LANCL3: variants seen among roughly 807,000 people sequenced by gnomAD.
LANCL3 encodes lanC-like protein 3.
A neutral mutation model predicts 26.5 loss-of-function variants in LANCL3; 19 were observed. That is an observed-to-expected ratio of 0.72 (90% CI 0.50 to 1.05). LANCL3 has a LOEUF of 1.05. Ranked by LOEUF, LANCL3 falls within the 50% of genes least tolerant of loss-of-function variation. The pLI is 0.00. For synonymous variants in LANCL3, 160 were observed against 166.6 expected, an observed-to-expected ratio of 0.96 and a Z score of 0.30; for missense variants, 318 against 362.7, an observed-to-expected ratio of 0.88 and a Z score of 1.00.
intron 4 of LANCL3, among the ~76,000 whole-genome samples, chrX:37,672,113 A>G (rs968231311): frequency 2.7e-4 from 30 of 111,830 alleles, no homozygotes; most frequent in African/African-American, 9.7e-4. Flanking sequence ...TTAATATTTT[A>G]ATTTTTTAAA....
intron 1 of LANCL3, among the ~76,000 whole-genome samples, chrX:37,631,965 AG>A (rs1925530512): frequency 9.0e-6 from 1 of 110,876 alleles, no homozygotes; most frequent in Non-Finnish European, 1.9e-5. Context: ...GATGTCTATT[AG>A]GTCTGCTTGG....
At position 37,601,903 on chromosome X, in the gene LANCL3, T is replaced by C. The variant is rs782013286; in HGVS notation, c.573+29460T>C. Among the ~76,000 whole-genome samples, 275 of 111,998 alleles carry C rather than the reference T, an allele frequency of 2.5e-3. 1 individual carries two copies. Among genetic ancestry groups the C allele is most frequent in the Non-Finnish European group, 4.6e-3 (242 of 53,173 alleles). On this transcript the variant is annotated intron_variant, in intron 1 of 4. Transcript: ENST00000378619. ...TTTATCTGGCCTACCTTGAAAAATA[T>C]TGGGGTCCTATTAGCAAGAAAGAAG...
intron 1 of LANCL3, among the ~76,000 whole-genome samples, chrX:37,623,626 T>C (rs781954808): frequency 1.1e-3 from 124 of 112,603 alleles, no homozygotes; most frequent in African/African-American, 4.0e-3. Flanking sequence ...TTATTTATTA[T>C]ATGATTTATT....
At chrX:37,582,282 C>T (rs1472829864) in intron 1 of LANCL3, among the ~76,000 whole-genome samples, 16 of 111,837 alleles carry the variant, frequency 1.4e-4, no homozygotes, top group African/African-American at 5.2e-4. Context: ...ACTTACAATC[C>T]TCTGGGTGTA....
chrX:37,665,443 G>A (rs782331448), intron 3 of LANCL3, among the ~76,000 whole-genome samples: 11 of 111,927 alleles, frequency 9.8e-5, no homozygotes, highest in Non-Finnish European at 1.7e-4. Context: ...TTCTGAAAAA[G>A]TGCTCCTTCC....
Position 37,571,997 on chromosome X carries a change from C to T in LANCL3, c.127C>T (p.Pro43Ser). The change falls in exon 1 of 5, where the codon CCC becomes TCC. Residue 43 changes from proline (P) to serine (S), a missense_variant. Physicochemically the swap from Pro to Ser is moderately conservative, Grantham distance 74. Transcript: ENST00000378619. ...ATIERILQEL[P>S]PLGGGAEARG... Reference sequence around the variant, plus strand: ...CATCGAGCGCATCCTCCAGGAGCTTCCCCCACTCGGGGGCGGCGCGGAGGC... The same window carrying T: ...CATCGAGCGCATCCTCCAGGAGCTTTCCCCACTCGGGGGCGGCGCGGAGGC... 2.5e-6 allele frequency: 3 copies of T among 1,191,126 alleles called. No homozygotes were observed. Among genetic ancestry groups the T allele is most frequent in the Non-Finnish European group, 1.1e-6 (1 of 885,159 alleles).
chrX:37,584,813 C>A (rs1344095663), intron 1 of LANCL3, among the ~76,000 whole-genome samples: 1 of 111,591 alleles, frequency 9.0e-6, no homozygotes, highest in African/African-American at 3.3e-5. Context: ...CTGCTCTGAT[C>A]TTAGTTATTT....
At chrX:37,597,093 G>A (rs7052372) in intron 1 of LANCL3, among the ~76,000 whole-genome samples, 194 of 111,972 alleles carry the variant, frequency 1.7e-3, no homozygotes, top group African/African-American at 6.0e-3. Context: ...TATAATATAT[G>A]GTCTTTGGTG....
At position 37,667,463 on chromosome X, in the gene LANCL3, C is replaced by T; in HGVS notation, c.1077C>T (p.Asn359=). 1 of 1,185,707 alleles carries T rather than the reference C, an allele frequency of 8.4e-7. No individual in the cohort carries two copies. The highest frequency in any genetic ancestry group is 1.1e-6 in the Non-Finnish European group (1 of 884,849). Residue 359 remains asparagine (N), a synonymous_variant, in exon 4 of 5, where the codon AAC becomes AAT. Transcript: ENST00000378619. The part of the protein sequence containing the change: ...VFLLLYRLTG[N]SKYIYRAQRF... ...TGCTGCTGTACCGGCTCACGGGAAACTCTAAATACATCTACCGAGCTCAAA... is the reference window on the plus strand; with the variant it reads ...TGCTGCTGTACCGGCTCACGGGAAATTCTAAATACATCTACCGAGCTCAAA...
intron 1 of LANCL3, among the ~76,000 whole-genome samples, chrX:37,577,165 G>T (rs148156760): frequency 0.01 from 1,133 of 112,281 alleles, 20 homozygotes; most frequent in African/African-American, 0.035. Context: ...ATAACAAGGG[G>T]GACTGGTTAT....
intron 1 of LANCL3, among the ~76,000 whole-genome samples, chrX:37,616,767 TAC>T (rs1925022176): frequency 9.0e-6 from 1 of 111,609 alleles, no homozygotes; most frequent in South Asian, 3.7e-4. Flanking sequence ...ATACAAATGG[TAC>T]ACAGTTTCTT....
intron 3 of LANCL3, among the ~76,000 whole-genome samples, chrX:37,663,842 A>G (rs1220873783): frequency 2.7e-5 from 3 of 111,532 alleles, no homozygotes; most frequent in Non-Finnish European, 3.8e-5. Flanking sequence ...AGAGCTTGGT[A>G]TCAAGAGGAA....
At chrX:37,656,412 T>G (rs1185205644) in intron 2 of LANCL3, among the ~76,000 whole-genome samples, 1 of 111,693 alleles carries the variant, frequency 9.0e-6, no homozygotes, top group Non-Finnish European at 1.9e-5. Flanking sequence ...GTCTCCCACA[T>G]GCGGTGTTCT....
At chrX:37,627,942 G>A (rs1455243210) in intron 1 of LANCL3, among the ~76,000 whole-genome samples, 2 of 111,665 alleles carry the variant, frequency 1.8e-5, no homozygotes, top group Non-Finnish European at 3.8e-5. Context: ...TGATTTAGCT[G>A]ACTACCATAG....
chrX:37,593,011 A>G (rs1208030790), intron 1 of LANCL3, among the ~76,000 whole-genome samples: 1 of 112,376 alleles, frequency 8.9e-6, no homozygotes, highest in East Asian at 2.8e-4. Flanking sequence ...TCCAAAATTC[A>G]TAGAGAAAAT....
At chrX:37,604,974 T>C (rs782453088) in intron 1 of LANCL3, among the ~76,000 whole-genome samples, 2 of 112,398 alleles carry the variant, frequency 1.8e-5, no homozygotes, top group Non-Finnish European at 3.8e-5. Context: ...CATTGAGATG[T>C]GTGGATGTGT....
chrX:37,679,772 A>G lies in LANCL3; in HGVS notation c.*3959A>G, dbSNP rs951839939. 9.0e-6 allele frequency: 1 copy of G among 111,247 alleles called. No individual in the cohort carries two copies. Among genetic ancestry groups the G allele is most frequent in the Admixed American group, 9.6e-5 (1 of 10,447 alleles). 9.2% of individuals were successfully genotyped at this position (111,247 alleles called of 1,213,427 possible). On this transcript the variant is annotated 3_prime_UTR_variant, in exon 5 of 5. Coordinates refer to ENST00000378619, the MANE Select transcript of LANCL3 (RefSeq NM_001170331.2). Reference sequence around the variant, plus strand: ...ATATTGGTATAAATTTGGCAAGGAAAGCAAATGAGAAGGCAGGCAAAGGGG... The same window carrying G: ...ATATTGGTATAAATTTGGCAAGGAAGGCAAATGAGAAGGCAGGCAAAGGGG...
At chrX:37,674,335 T>C (rs1926747196) in intron 4 of LANCL3, among the ~76,000 whole-genome samples, 1 of 112,228 alleles carries the variant, frequency 8.9e-6, no homozygotes, top group South Asian at 3.6e-4. Context: ...ATCTTAATTT[T>C]ACAATATGCA....
At chrX:37,652,531 A>G (rs782352673) in intron 1 of LANCL3, among the ~76,000 whole-genome samples, 1 of 112,592 alleles carries the variant, frequency 8.9e-6, no homozygotes, top group Non-Finnish European at 1.9e-5. Context: ...ATCTTAATTT[A>G]TTTTAATTCA....
Sources: allele counts gnomAD v4.1 joint callset (sites outside exome capture counted in the v4.1 genomes callset), GRCh38; gene constraint gnomAD v4.1.1; transcripts MANE v1.5; gene names NCBI Gene and HGNC (gene_info 2026-07-23, HGNC 2026-07-21).